Variants in CLMN observed in about 807,000 individuals in gnomAD.
CLMN encodes the protein calmin.
In CLMN, 57 loss-of-function variants were observed where a neutral mutation model predicts 92.7. The ratio of observed to expected loss-of-function variants is 0.61; its 90% confidence interval spans 0.50 to 0.77. CLMN has a LOEUF of 0.77. Among genes scored for constraint, CLMN ranks in the 30% least tolerant of loss-of-function variants. The pLI is 0.00. For missense variants in CLMN, 1,158 were observed against 1,237.5 expected (o/e 0.94, Z 0.96); for synonymous variants, 466 against 470.6 (o/e 0.99, Z 0.13).
chr14:95,290,433 A>G (rs920024241), intron 1 of CLMN, among the ~76,000 whole-genome samples: 44 of 152,250 alleles, frequency 2.9e-4, no homozygotes, highest in Non-Finnish European at 7.3e-5. Context: ...AAGGGTCTTT[A>G]TAAGAGGAAG....
At chr14:95,211,387 G>C (rs1309728522) in intron 6 of CLMN, among the ~76,000 whole-genome samples, 1 of 152,080 alleles carries the variant, frequency 6.6e-6, no homozygotes, top group Non-Finnish European at 1.5e-5. Context: ...CAAGTCATAG[G>C]GTCAACCTAA....
chr14:95,292,281 C>T (rs572211422), intron 1 of CLMN, among the ~76,000 whole-genome samples: 1 of 152,264 alleles, frequency 6.6e-6, no homozygotes, highest in African/African-American at 2.4e-5. Context: ...TTGTATTTTT[C>T]CATATTTTAT....
intron 2 of CLMN, among the ~76,000 whole-genome samples, chr14:95,226,023 G>A (rs1048967094): frequency 6.6e-6 from 1 of 152,178 alleles, no homozygotes; most frequent in African/African-American, 2.4e-5. Context: ...AGCAGCTTTA[G>A]GACACCCTAT....
intron 1 of CLMN, among the ~76,000 whole-genome samples, chr14:95,254,738 C>A (rs1415965292): frequency 6.6e-6 from 1 of 152,180 alleles, no homozygotes; most frequent in Non-Finnish European, 1.5e-5. Context: ...TGCTCTGTCA[C>A]CCAGGCTGGA....
In CLMN at chr14:95,319,599, ACAACGAGCGGC is replaced by A. The variant is rs537139837; in HGVS notation, c.82+101_82+111del. 216 of 874,712 alleles carry A rather than the reference ACAACGAGCGGC, an allele frequency of 2.5e-4. No homozygotes were observed. The African/African-American group carries it at 3.7e-3, about 15-fold the overall frequency. The allele number at this position is 874,712 out of a possible 1,614,324, so 54.2% of individuals were successfully genotyped here. ...TCCCACCTCGAGGCAAGTGACAGGA[ACAACGAGCGGC>A]CGGCGAGCGGGGGCGGCGCGGGGGA... On this transcript the variant is annotated intron_variant, in intron 1 of 12. Transcript: ENST00000298912.
At position 95,190,744 on chromosome 14, in the gene CLMN, C is replaced by G. The variant is rs554782476; in HGVS notation, c.*820G>C. ...AGGAAGCTACCCCACCACCCAGCTC[C>G]AGCACTGCTGGGAGCTGATTCCAGC... On this transcript the variant is annotated 3_prime_UTR_variant, in exon 13 of 13. Transcript: ENST00000298912. 6.6e-6 allele frequency: 1 copy of G among 152,232 alleles called. No individual in the cohort carries two copies. The highest frequency in any genetic ancestry group is 2.4e-5 in the African/African-American group (1 of 41,448). 9.4% of individuals were successfully genotyped at this position (152,232 alleles called of 1,614,324 possible).
In CLMN at chr14:95,203,912, C is replaced by T. The variant is rs201041933; in HGVS notation, c.1437G>A (p.Ser479=). The T allele has an allele frequency of 1.2e-4, 189 of 1,613,114 alleles. 1 individual carries two copies. Among genetic ancestry groups the T allele is most frequent in the Admixed American group, 3.2e-4 (19 of 60,006 alleles). ...TGTCAGAGGAGGATTCTGGAATCTT[C>T]GAGGATTCCTGTTTCTGTTCCTTTT... ...AEEKEQKQES[S]KIPESSSDKV... The change falls in exon 9 of 13, where the codon TCG becomes TCA. Residue 479 remains serine, a synonymous_variant. Coordinates refer to ENST00000298912, the MANE Select transcript of CLMN (RefSeq NM_024734.4).
At chr14:95,209,501 A>C (rs1897135720) in intron 7 of CLMN, 24 bp from the exon 8 acceptor site, 1 of 1,576,384 alleles carries the variant, frequency 6.3e-7, no homozygotes, top group Non-Finnish European at 8.7e-7. Flanking sequence ...CACAGGAATT[A>C]GCAGGAGATA....
chr14:95,303,979 CAGCAATACAATTCTAGGTGGT>C (rs1204419889), intron 1 of CLMN, among the ~76,000 whole-genome samples: 2 of 152,180 alleles, frequency 1.3e-5, no homozygotes, highest in Non-Finnish European at 2.9e-5. Flanking sequence ...GAAGGGGAGA[CAGCAATACAATTCTAGGTGGT>C]AGCAAGAAGG....
intron 1 of CLMN, among the ~76,000 whole-genome samples, chr14:95,236,845 T>C (rs1202500466): frequency 6.6e-6 from 1 of 151,970 alleles, no homozygotes; most frequent in East Asian, 1.9e-4. Context: ...ACCAAGTTTA[T>C]TAGCGCTGTC....
chr14:95,217,490 G>T (rs1250724312), intron 4 of CLMN, among the ~76,000 whole-genome samples: 1 of 152,242 alleles, frequency 6.6e-6, no homozygotes, highest in Non-Finnish European at 1.5e-5. Context: ...TGGCAGGTCA[G>T]AGGCCAGGAA....
At chr14:95,216,962 G>C (rs758077728) in intron 4 of CLMN, among the ~76,000 whole-genome samples, 1 of 152,114 alleles carries the variant, frequency 6.6e-6, no homozygotes, top group Non-Finnish European at 1.5e-5. Context: ...CGGGTTTGAG[G>C]ATCACTGCCC....
rs1048412164 is a variant in CLMN at position 95,203,413 on chromosome 14, G to T, written c.1936C>A (p.Pro646Thr). ...GEEAEGCPSA[P>T]EETPVDKKPE... is the part of the protein sequence containing the mutation. ...TTTTTATCCACTGGTGTCTCTTCTGGGGCTGAAGGACAGCCTTCAGCTTCT... is the reference window on the plus strand; with the variant it reads ...TTTTTATCCACTGGTGTCTCTTCTGTGGCTGAAGGACAGCCTTCAGCTTCT... Residue 646 changes from proline to threonine, a missense_variant, in exon 9 of 13, where the codon CCA becomes ACA. Coordinates refer to ENST00000298912, the MANE Select transcript of CLMN (RefSeq NM_024734.4). The T allele has an allele frequency of 6.2e-7, 1 of 1,613,958 alleles. No homozygotes were observed. Among genetic ancestry groups the T allele is most frequent in the Non-Finnish European group, 8.5e-7 (1 of 1,179,992 alleles).
chr14:95,226,814 C>T (rs568105810), intron 2 of CLMN, among the ~76,000 whole-genome samples: 8 of 152,162 alleles, frequency 5.3e-5, no homozygotes, highest in East Asian at 1.9e-4. Flanking sequence ...TGGGCTCATG[C>T]GATATCCTCC....
chr14:95,210,690 T>C lies in CLMN; in HGVS notation c.798A>G (p.Pro266=), dbSNP rs1369982960. 1 of 1,605,116 alleles carries C rather than the reference T, an allele frequency of 6.2e-7. No homozygotes were observed. Among genetic ancestry groups the C allele is most frequent in the African/African-American group, 1.4e-5 (1 of 73,986 alleles). Residue 266 remains proline (P), a synonymous_variant, in exon 7 of 13, where the codon CCA becomes CCG. Coordinates refer to ENST00000298912, the MANE Select transcript of CLMN (RefSeq NM_024734.4). The stretch of plus-strand genomic sequence containing the variant: ...GAAAGAGAGAACCACTGCTACCTTC[T>C]GGCTCCAGGAGCCTGGGGATGTGCA... ...DALHIPRLLE[P]EDIMVDTPDE...
rs190299310 is a variant in CLMN, at chr14:95,294,395, G to T, written c.82+25316C>A. Among the ~76,000 whole-genome samples, 2 of 152,232 alleles carry T rather than the reference G, an allele frequency of 1.3e-5. No individual in the cohort carries two copies. Among genetic ancestry groups the T allele is most frequent in the Non-Finnish European group, 2.9e-5 (2 of 68,046 alleles). On this transcript the variant is annotated intron_variant, in intron 1 of 12. Transcript: ENST00000298912. The surrounding 1 kb of genome is among the most constrained non-coding windows in gnomAD (Gnocchi z 4.2). The stretch of plus-strand genomic sequence containing the variant: ...GGGCACCTCTGGAAGGAGAAGGGCT[G>T]GGGGCAGAACGTGTGCTTGTCTGGC...
At chr14:95,264,939 C>CAA (rs34109382) in intron 1 of CLMN, among the ~76,000 whole-genome samples, 25,573 of 127,096 alleles carry the variant, frequency 0.2, 2,709 homozygotes, top group African/African-American at 0.31. Flanking sequence ...CCATCTCTAC[C>CAA]AAAAAAAAAA....
chr14:95,260,194 C>A (rs1899193571), intron 1 of CLMN, among the ~76,000 whole-genome samples: 1 of 152,182 alleles, frequency 6.6e-6, no homozygotes, highest in South Asian at 2.1e-4. Context: ...GTAATCCCAG[C>A]ACTTTGGGAG....
rs1242621555 is a variant in CLMN at position 95,196,625 on chromosome 14, T to C, written c.2581A>G (p.Ser861Gly). 1.2e-6 allele frequency: 2 copies of C among 1,614,200 alleles called. No homozygotes were observed. The highest frequency in any genetic ancestry group is 1.3e-5 in the African/African-American group (1 of 75,036). Reference protein sequence around the residue: ...LEENVTKESISSKKKEKRKHV... With the variant: ...LEENVTKESIGSKKKEKRKHV... ...TTCCTTTTTTCCTTTTTTTTACTAC[T>C]GATTGATTCTTTCGTTACATTTTCT... The change falls in exon 10 of 13, where the codon AGT (serine) becomes GGT (glycine). Residue 861 changes from serine (S) to glycine (G), a missense_variant. By Grantham distance (56) the Ser-to-Gly change is moderately conservative. Transcript: ENST00000298912.
Sources: gnomAD v4.1 joint callset for allele counts (sites outside exome capture counted in the v4.1 genomes callset) on GRCh38, gnomAD v4.1.1 for gene constraint, Gnocchi (gnomAD v3.1) non-coding constraint, MANE v1.5 for transcripts, NCBI Gene and HGNC (gene_info 2026-07-23, HGNC 2026-07-21) for gene names.